The following GAS5 variants were observed in gnomAD, a reference collection of about 807,000 sequenced individuals.
The protein encoded by GAS5 is growth arrest specific 5.
intron 6 of GAS5, chr1:173,864,475 C>A: frequency 1.9e-6 from 1 of 512,972 alleles, no homozygotes; most frequent in Non-Finnish European, 3.9e-6. Context: ...GTACCAAAAG[C>A]TGACTCACCT....
At chr1:173,867,770 C>CAT, upstream of GAS5, 1 of 519,206 alleles carries the variant, frequency 1.9e-6, no homozygotes, top group Non-Finnish European at 3.8e-6. Flanking sequence ...GGCTTCTCCG[C>CAT]AGTTCTACTC....
rs143139379 is a variant in GAS5, at chr1:173,865,257, A to G, written n.276+214T>C. 1.8e-3 allele frequency: 663 copies of G among 376,470 alleles called. 3 individuals are homozygous for G. Among genetic ancestry groups the G allele is most frequent in the African/African-American group, 0.011 (500 of 47,196 alleles). The allele number at this position is 376,470 out of a possible 1,614,324, so 23.3% of individuals were successfully genotyped here. A position where few individuals can be genotyped will look rare whatever the true frequency, so the allele number is the denominator to read the frequency against. ...TGCTTCTTTAAAACTTGCTCCACAC[A>G]GTGTAGTCAAGCCGACTCTCCATAC... On this transcript the variant is annotated intron_variant and non_coding_transcript_variant, in intron 6 of 7. Coordinates refer to ENST00000651080, the Ensembl canonical transcript of GAS5.
chr1:173,864,981 G>A, intron 6 of GAS5: 2 of 502,508 alleles, frequency 4.0e-6, no homozygotes, highest in Non-Finnish European at 8.0e-6. Flanking sequence ...CACTTTGGGA[G>A]GTCAGTGCGG....
At chr1:173,865,977 G>C (rs1193691864) in intron 4 of GAS5, 1 of 519,238 alleles carries the variant, frequency 1.9e-6, no homozygotes, top group East Asian at 5.4e-5. Flanking sequence ...TAGTCAGTTA[G>C]AGCTAATTAA....
chr1:173,867,095 T>TA (rs1352554482), upstream of GAS5: 32 of 632,466 alleles, frequency 5.1e-5, no homozygotes, highest in Non-Finnish European at 3.1e-5. Context: ...TTCTTTTTTT[T>TA]AAAGAGTGTT....
intron 6 of GAS5, chr1:173,864,407 CATT>C (rs758735936): frequency 3.5e-5 from 18 of 518,900 alleles, no homozygotes; most frequent in South Asian, 2.0e-4. Context: ...ACAGTGATAT[CATT>C]ATATTTCATT....
chr1:173,866,243 T>C (rs1654595117), intron 3 of GAS5: 1 of 487,194 alleles, frequency 2.1e-6, no homozygotes, highest in African/African-American at 2.0e-5. Context: ...CAAAAAATAT[T>C]TTAATGGTAG....
intron 1 of GAS5, chr1:173,866,968 A>C (rs1346627610): frequency 3.9e-6 from 3 of 765,408 alleles, no homozygotes; most frequent in Admixed American, 1.7e-5. Flanking sequence ...CATTCTTCCC[A>C]CCATACTTTC....
intron 6 of GAS5, chr1:173,865,076 G>T: frequency 2.8e-6 from 1 of 351,546 alleles, no homozygotes; most frequent in Non-Finnish European, 5.6e-6. Context: ...TCACATGCCT[G>T]TAATCCCAGC....
upstream of GAS5, among the ~76,000 whole-genome samples, chr1:173,868,603 C>A (rs1655201912): frequency 6.6e-6 from 1 of 152,188 alleles, no homozygotes; most frequent in Non-Finnish European, 1.5e-5. Context: ...CGCCCCCTCG[C>A]GGGGCCCCTC....
At chr1:173,867,082 CG>C, upstream of GAS5, 1 of 657,854 alleles carries the variant, frequency 1.5e-6, no homozygotes. Context: ...CATTGTTCCA[CG>C]GTTCTTTTTT....
intron 7 of GAS5, chr1:173,864,157 A>G (rs1455112902): frequency 1.9e-6 from 1 of 517,906 alleles, no homozygotes; most frequent in Non-Finnish European, 3.9e-6. Flanking sequence ...AGAATATCAG[A>G]TATTTTATTG....
At chr1:173,866,380 T>C in intron 3 of GAS5, 1 of 538,968 alleles carries the variant, frequency 1.9e-6, no homozygotes, top group Non-Finnish European at 3.7e-6. Context: ...TGTTTTCACA[T>C]TTTCTTCAGT....
intron 1 of GAS5, chr1:173,866,798 T>C: frequency 2.6e-6 from 2 of 765,166 alleles, no homozygotes; most frequent in South Asian, 1.3e-5. Context: ...GGGACACAAC[T>C]AGAAAACAAA....
chr1:173,865,653 T>A (rs757856797), intron 5 of GAS5: 1 of 519,246 alleles, frequency 1.9e-6, no homozygotes, highest in South Asian at 1.4e-5. Context: ...TACATGCTCA[T>A]TTCAGGTCAG....
intron 6 of GAS5, chr1:173,865,044 A>T: frequency 5.3e-6 from 2 of 377,238 alleles, no homozygotes; most frequent in Admixed American, 3.6e-5. Flanking sequence ...ACATAGCTGT[A>T]CAAAATTAGC....
intron 6 of GAS5, chr1:173,864,834 A>C (rs185082560): frequency 7.7e-6 from 4 of 519,174 alleles, no homozygotes; most frequent in Admixed American, 3.9e-5. Flanking sequence ...CGCCAGATAC[A>C]TCAGATAGGA....
chr1:173,866,309 C>T (rs777546426), intron 3 of GAS5: 1 of 516,844 alleles, frequency 1.9e-6, no homozygotes, highest in South Asian at 1.4e-5. Flanking sequence ...CCAGATACAT[C>T]AGACAGATAG....
At chr1:173,867,745 G>A, upstream of GAS5, 2 of 519,150 alleles carry the variant, frequency 3.9e-6, no homozygotes, top group South Asian at 2.8e-5. Context: ...ATCAGAGGCA[G>A]GGCACGAGAG....
Sources: gnomAD v4.1 joint callset for allele counts (sites outside exome capture counted in the v4.1 genomes callset) on GRCh38, gnomAD v4.1.1 for gene constraint, MANE v1.5 for transcripts, NCBI Gene and HGNC (gene_info 2026-07-23, HGNC 2026-07-21) for gene names.